ADA: variants seen among roughly 807,000 people sequenced by gnomAD.
ADA encodes adenosine aminohydrolase.
In ADA, 45 loss-of-function variants were observed where a neutral mutation model predicts 49.0. That is an observed-to-expected ratio of 0.92 (90% CI 0.72 to 1.18). ADA has a LOEUF of 1.18. ADA is among the 50% of genes most tolerant of loss of function. ADA has a pLI of 0.00. For missense variants in ADA, 445 were observed against 472.5 expected (o/e 0.94, Z 0.54); for synonymous variants, 173 against 184.2 (o/e 0.94, Z 0.49).
intron 2 of ADA, among the ~76,000 whole-genome samples, chr20:44,632,011 C>T (rs2065438164): frequency 1.3e-5 from 2 of 152,212 alleles, no homozygotes; most frequent in African/African-American, 2.4e-5. Context: ...AGCACCAGCC[C>T]GTCCCCTAGA....
chr20:44,622,940 A>G lies in ADA; in HGVS notation c.679-10T>C, dbSNP rs2065346907. 1 of 1,614,226 alleles carries G rather than the reference A, an allele frequency of 6.2e-7. No homozygotes were observed. Among genetic ancestry groups the G allele is most frequent in the Non-Finnish European group, 8.5e-7 (1 of 1,180,036 alleles). On this transcript the variant is annotated splice_polypyrimidine_tract_variant and intron_variant, in intron 7 of 11. Coordinates refer to ENST00000372874, the MANE Select transcript of ADA (RefSeq NM_000022.4). ...TGAGTATGTCCACAGCCTGTAGAGAAGCAGAATAGAGCCAAGTATGGGAGG... is the reference window on the plus strand; with the variant it reads ...TGAGTATGTCCACAGCCTGTAGAGAGGCAGAATAGAGCCAAGTATGGGAGG...
intron 1 of ADA, among the ~76,000 whole-genome samples, chr20:44,637,092 A>C (rs1299452855): frequency 6.6e-6 from 1 of 152,192 alleles, no homozygotes; most frequent in Non-Finnish European, 1.5e-5. Context: ...GGTATGTGCC[A>C]CCGCAACCGA....
chr20:44,629,438 G>C (rs2065413382), intron 2 of ADA, among the ~76,000 whole-genome samples: 1 of 150,278 alleles, frequency 6.7e-6, no homozygotes, highest in Non-Finnish European at 1.5e-5. Flanking sequence ...GTGTGTGTGT[G>C]TATGTGTGCA....
Position 44,623,112 on chromosome 20 carries a change from A to C in ADA, c.607-34T>G, listed in dbSNP as rs746686175. 1.1e-5 allele frequency: 18 copies of C among 1,613,098 alleles called. No individual in the cohort carries two copies. In the South Asian group the frequency reaches 1.2e-4, roughly 11 times the overall value. ...GGGAGAGCCAGGTCATGGGTGCCCT[A>C]GCGGGAGGGCCCCGGCAGGCCCTGC... On this transcript the variant is annotated intron_variant, in intron 6 of 11. Transcript: ENST00000372874.
intron 5 of ADA, among the ~76,000 whole-genome samples, chr20:44,624,579 C>T (rs2065364577): frequency 1.3e-5 from 2 of 152,348 alleles, no homozygotes; most frequent in East Asian, 1.9e-4. Flanking sequence ...CAGGCTTTGC[C>T]GAGGCCATGT....
intron 1 of ADA, among the ~76,000 whole-genome samples, chr20:44,638,590 T>C (rs184113212): frequency 6.6e-6 from 1 of 151,802 alleles, no homozygotes; most frequent in Non-Finnish European, 1.5e-5. Context: ...AAATAAAAAA[T>C]AAGAATAAAA....
intron 5 of ADA, among the ~76,000 whole-genome samples, chr20:44,625,135 A>G (rs914744874): frequency 2.6e-4 from 40 of 152,314 alleles, no homozygotes; most frequent in African/African-American, 9.6e-4. Flanking sequence ...GAGGCTGTGC[A>G]CCATGAGGCA....
At chr20:44,621,409 A>G (rs2065330350) in intron 9 of ADA, among the ~76,000 whole-genome samples, 1 of 152,184 alleles carries the variant, frequency 6.6e-6, no homozygotes, top group African/African-American at 2.4e-5. Context: ...GGAACCAGGC[A>G]GAATGGCAGC....
intron 2 of ADA, among the ~76,000 whole-genome samples, chr20:44,630,542 G>A (rs1230540121): frequency 6.6e-6 from 1 of 152,088 alleles, no homozygotes; most frequent in Non-Finnish European, 1.5e-5. Flanking sequence ...ACGAGCCCTC[G>A]GAAATTTACA....
chr20:44,649,298 G>C (rs1393242192), intron 1 of ADA, among the ~76,000 whole-genome samples: 2 of 152,020 alleles, frequency 1.3e-5, no homozygotes, highest in Non-Finnish European at 2.9e-5. Context: ...AAGAGGGCAG[G>C]GAGCTGGCTC....
At chr20:44,620,703 T>C in intron 10 of ADA, 1 of 559,956 alleles carries the variant, frequency 1.8e-6, no homozygotes, top group Non-Finnish European at 3.2e-6. Context: ...TTATTCAGCC[T>C]GGGATTTAAG....
chr20:44,649,796 C>T (rs975147500), intron 1 of ADA, among the ~76,000 whole-genome samples: 7 of 134,638 alleles, frequency 5.2e-5, no homozygotes, highest in South Asian at 2.5e-4. Context: ...AGTGCAATGG[C>T]GAGATCTCGG....
Position 44,651,648 on chromosome 20 carries a change from C to G in ADA, c.-41G>C. ...CCCGGCGCTGCTCCCTCCGCCGCCG[C>G]TCGGTGGGTCTCTGCCGGCTCGGTG... On this transcript the variant is annotated 5_prime_UTR_variant, in exon 1 of 12. Transcript: ENST00000372874. 3 of 1,497,684 alleles carry G rather than the reference C, an allele frequency of 2.0e-6. No homozygotes were observed. Among genetic ancestry groups the G allele is most frequent in the Non-Finnish European group, 2.7e-6 (3 of 1,130,398 alleles). The allele number at this position is 1,497,684 out of a possible 1,614,324, so 92.8% of individuals were successfully genotyped here.
intron 2 of ADA, among the ~76,000 whole-genome samples, chr20:44,631,139 C>T (rs2065429475): frequency 6.6e-6 from 1 of 152,166 alleles, no homozygotes; most frequent in South Asian, 2.1e-4. Flanking sequence ...TATTAAAATG[C>T]TTCCCTACAT....
chr20:44,644,476 G>A (rs111629493), intron 1 of ADA, among the ~76,000 whole-genome samples: 1 of 152,170 alleles, frequency 6.6e-6, no homozygotes, highest in Non-Finnish European at 1.5e-5. Context: ...GAACCCACAC[G>A]GGGGCAGAGG....
rs146921882 is a variant in ADA, at chr20:44,625,645, G to A, written c.402C>T (p.Gly134=). ...CTCGCTCCCCCTCCTGCAGGCCCTG[G>A]CCCACTAGGGCCACCACCTCGTCTG... is the stretch of plus-strand genomic sequence containing the variant. The part of the protein sequence containing the change: ...LTPDEVVALV[G]QGLQEGERDF... Residue 134 remains glycine, a synonymous_variant, in exon 5 of 12, where the codon GGC becomes GGT. Coordinates refer to ENST00000372874, the MANE Select transcript of ADA (RefSeq NM_000022.4). The A allele has an allele frequency of 2.6e-4, 403 of 1,575,650 alleles. 4 individuals are homozygous for A. In the African/African-American group the frequency reaches 4.6e-3, roughly 18 times the overall value.
At chr20:44,628,532 TAAATA>T (rs1268927958) in intron 3 of ADA, among the ~76,000 whole-genome samples, 1 of 96,018 alleles carries the variant, frequency 1.0e-5, no homozygotes, top group African/African-American at 5.4e-5. Flanking sequence ...TCTCAATAAA[TAAATA>T]AATAAATAAA....
chr20:44,638,842 T>C (rs915769587), intron 1 of ADA, among the ~76,000 whole-genome samples: 4 of 152,160 alleles, frequency 2.6e-5, no homozygotes, highest in Admixed American at 6.5e-5. Context: ...ACAATGAGCC[T>C]GAGCGAAAAG....
In ADA at chr20:44,643,567, A is replaced by G. The variant is rs557981530; in HGVS notation, c.34-7279T>C. On this transcript the variant is annotated intron_variant, in intron 1 of 11. Coordinates refer to ENST00000372874, the MANE Select transcript of ADA (RefSeq NM_000022.4). ...CCCGGAGAAGTTCAGTGGCCTGTCC[A>G]GAGTTACACAAAATTGATGGTGGTA... Among the ~76,000 whole-genome samples, 99 of 152,356 alleles carry G rather than the reference A, an allele frequency of 6.5e-4. 1 individual carries two copies. The South Asian group carries it at 7.5e-3, about 11-fold the overall frequency.
Sources: allele counts gnomAD v4.1 joint callset (sites outside exome capture counted in the v4.1 genomes callset), GRCh38; gene constraint gnomAD v4.1.1; transcripts MANE v1.5; gene names NCBI Gene and HGNC (gene_info 2026-07-23, HGNC 2026-07-21).